CTNND2: variants seen among roughly 807,000 people sequenced by gnomAD.
CTNND2 encodes the protein catenin delta-2.
CTNND2 carries 22 observed loss-of-function variants against 144.4 expected under a neutral mutation model. The observed-to-expected ratio is 0.15, with a 90% CI of 0.11 to 0.22. The LOEUF (loss-of-function observed/expected upper bound fraction) is 0.22, where lower values mean the gene tolerates loss of function less well. CTNND2 is among the 10% of genes least tolerant of loss of function. CTNND2 has a pLI of 1.00. For synonymous variants in CTNND2, 751 were observed against 695.6 expected (o/e 1.08, Z -1.25); for missense variants, 1,353 against 1,618.8 (o/e 0.84, Z 2.82).
intron 1 of CTNND2, among the ~76,000 whole-genome samples, chr5:11,866,384 T>C (rs1795770779): frequency 6.6e-6 from 1 of 152,134 alleles, no homozygotes; most frequent in Non-Finnish European, 1.5e-5. Context: ...CATCAGAAAA[T>C]GAATGCAGTC....
intron 3 of CTNND2, among the ~76,000 whole-genome samples, chr5:11,499,434 T>G (rs1023136693): frequency 1.5e-4 from 23 of 152,348 alleles, no homozygotes; most frequent in African/African-American, 4.1e-4. Context: ...GTTTCTGGTT[T>G]ATTTGAAGCA....
At chr5:11,012,221 A>T (rs543542860) in intron 18 of CTNND2, among the ~76,000 whole-genome samples, 2 of 151,056 alleles carry the variant, frequency 1.3e-5, no homozygotes, top group Admixed American at 6.6e-5. Context: ...CCCATCATGG[A>T]TGGGAAAACC....
chr5:11,290,786 A>G (rs1748248330), intron 9 of CTNND2, among the ~76,000 whole-genome samples: 2 of 152,158 alleles, frequency 1.3e-5, no homozygotes, highest in Non-Finnish European at 2.9e-5. Flanking sequence ...ATGAAGCAAA[A>G]TCTGAGTCTT....
At chr5:11,524,223 A>T (rs1773013222) in intron 3 of CTNND2, among the ~76,000 whole-genome samples, 1 of 152,114 alleles carries the variant, frequency 6.6e-6, no homozygotes, top group Non-Finnish European at 1.5e-5. Context: ...AGGACTCTTC[A>T]GCCTTTGCAG....
chr5:11,273,817 A>C (rs2149982173), intron 9 of CTNND2, among the ~76,000 whole-genome samples: 2 of 152,288 alleles, frequency 1.3e-5, no homozygotes, highest in East Asian at 3.9e-4. Flanking sequence ...CCCTCTGTGT[A>C]TATTTTCCAC....
chr5:11,589,252 G>A (rs567554072), intron 2 of CTNND2, among the ~76,000 whole-genome samples: 56 of 148,370 alleles, frequency 3.8e-4, no homozygotes, highest in Middle Eastern at 3.6e-3. Flanking sequence ...AATGTATCTG[G>A]ATTCTTAGCT....
intron 9 of CTNND2, among the ~76,000 whole-genome samples, chr5:11,281,081 C>T (rs759178109): frequency 3.3e-5 from 5 of 152,310 alleles, no homozygotes; most frequent in Middle Eastern, 3.4e-3. Context: ...GACAAATTAA[C>T]GACCATGTAG....
intron 10 of CTNND2, among the ~76,000 whole-genome samples, chr5:11,213,249 G>A (rs1738822967): frequency 6.6e-6 from 1 of 151,988 alleles, no homozygotes; most frequent in African/African-American, 2.4e-5. Context: ...ACAATCAGAG[G>A]GTGGAGGCCG....
At chr5:11,213,267 C>T (rs1208025092) in intron 10 of CTNND2, among the ~76,000 whole-genome samples, 1 of 152,048 alleles carries the variant, frequency 6.6e-6, no homozygotes, top group Admixed American at 6.6e-5. Flanking sequence ...CCGCTGGGAT[C>T]CCAGAGGCTG....
intron 3 of CTNND2, among the ~76,000 whole-genome samples, chr5:11,530,592 C>A (rs1432874968): frequency 6.6e-6 from 1 of 152,158 alleles, no homozygotes; most frequent in African/African-American, 2.4e-5. Context: ...GGTGTTGTGG[C>A]ATCCACAGGG....
chr5:11,265,649 T>C (rs1745357109), intron 9 of CTNND2, among the ~76,000 whole-genome samples: 1 of 151,830 alleles, frequency 6.6e-6, no homozygotes, highest in African/African-American at 2.4e-5. Flanking sequence ...TAGCATTAAG[T>C]TGTCCAAAAT....
intron 2 of CTNND2, among the ~76,000 whole-genome samples, chr5:11,617,971 T>C (rs1251124628): frequency 2.0e-5 from 3 of 152,314 alleles, no homozygotes; most frequent in Admixed American, 2.0e-4. Flanking sequence ...ATGGCTAATA[T>C]CTATCCTTCA....
chr5:11,459,479 A>C (rs1273970121), intron 3 of CTNND2, among the ~76,000 whole-genome samples: 7 of 152,204 alleles, frequency 4.6e-5, no homozygotes, highest in Non-Finnish European at 8.8e-5. Flanking sequence ...AGATAAAGAT[A>C]ATTGCTTGTT....
intron 1 of CTNND2, among the ~76,000 whole-genome samples, chr5:11,839,737 AAGTG>A (rs1489723675): frequency 6.6e-6 from 1 of 152,010 alleles, no homozygotes; most frequent in Admixed American, 6.6e-5. Context: ...TTGGCTCCAA[AAGTG>A]AGTGTCTCCA....
chr5:11,117,668 TC>T, intron 12 of CTNND2, 101 bp from the exon 13 acceptor site: 1 of 886,058 alleles, frequency 1.1e-6, no homozygotes, highest in Non-Finnish European at 1.8e-6. Flanking sequence ...AATGCATTTT[TC>T]CCCACTTTTT....
intron 3 of CTNND2, among the ~76,000 whole-genome samples, chr5:11,490,389 A>G (rs1396214497): frequency 2.0e-5 from 3 of 152,214 alleles, no homozygotes; most frequent in African/African-American, 7.2e-5. Flanking sequence ...TTCCATAGCT[A>G]TAATTTATTT....
intron 3 of CTNND2, among the ~76,000 whole-genome samples, chr5:11,419,203 C>T (rs1248473876): frequency 6.6e-6 from 1 of 151,744 alleles, no homozygotes; most frequent in Non-Finnish European, 1.5e-5. Flanking sequence ...CTTTTATCTC[C>T]AATGTTTTAT....
chr5:11,797,596 C>T (rs1791467547), intron 1 of CTNND2, among the ~76,000 whole-genome samples: 2 of 152,132 alleles, frequency 1.3e-5, no homozygotes, highest in African/African-American at 4.8e-5. Context: ...TCATTATGTA[C>T]TTGAATAATT....
intron 9 of CTNND2, among the ~76,000 whole-genome samples, chr5:11,270,388 C>T (rs1157119703): frequency 6.6e-6 from 1 of 151,374 alleles, no homozygotes; most frequent in Non-Finnish European, 1.5e-5. Flanking sequence ...TGAAATACCA[C>T]ACATAACAAC....
Sources: allele counts gnomAD v4.1 joint callset (sites outside exome capture counted in the v4.1 genomes callset), GRCh38; gene constraint gnomAD v4.1.1; transcripts MANE v1.5; gene names NCBI Gene and HGNC (gene_info 2026-07-23, HGNC 2026-07-21).